The following PARD3B variants were observed in gnomAD, a reference collection of about 807,000 sequenced individuals.
The protein encoded by PARD3B is par-3 family cell polarity regulator beta.
PARD3B carries 103 observed loss-of-function variants against 130.2 expected under a neutral mutation model. That is an observed-to-expected ratio of 0.79 (90% CI 0.67 to 0.93). The LOEUF is 0.93. Among genes scored for constraint, PARD3B ranks in the 40% least tolerant of loss-of-function variants. The probability of loss-of-function intolerance (pLI) is 0.00; values close to 1 mark genes in which losing one functional copy is unlikely to be tolerated. For synonymous variants in PARD3B, 583 were observed against 553.2 expected, an observed-to-expected ratio of 1.05 and a Z score of -0.76; for missense variants, 1,609 against 1,499.2, an observed-to-expected ratio of 1.07 and a Z score of -1.21.
intron 3 of PARD3B, among the ~76,000 whole-genome samples, chr2:205,039,533 G>C (rs553628085): frequency 2.6e-5 from 4 of 151,300 alleles, no homozygotes; most frequent in African/African-American, 4.9e-5. Flanking sequence ...GCAGTGGCGT[G>C]ATCTCAGCTC....
intron 2 of PARD3B, among the ~76,000 whole-genome samples, chr2:204,802,000 A>G (rs142097145): frequency 0.074 from 11,217 of 152,226 alleles, 564 homozygotes; most frequent in African/African-American, 0.14. Context: ...TATGTGATGG[A>G]TTATGTTTAT....
chr2:205,173,215 A>G (rs1368557879), intron 12 of PARD3B, among the ~76,000 whole-genome samples: 1 of 152,212 alleles, frequency 6.6e-6, no homozygotes, highest in Non-Finnish European at 1.5e-5. Flanking sequence ...AACTATTTAA[A>G]AAGCTAATAT....
intron 22 of PARD3B, among the ~76,000 whole-genome samples, chr2:205,565,369 A>G (rs577599718): frequency 2.2e-4 from 33 of 152,320 alleles, no homozygotes; most frequent in African/African-American, 7.5e-4. Context: ...TTCCATTGAT[A>G]TGTCGGTGCC....
At chr2:205,037,153 CAAATATACATATATAGCGGACTGTAT>C (rs1698016536) in intron 3 of PARD3B, among the ~76,000 whole-genome samples, 35 of 138,414 alleles carry the variant, frequency 2.5e-4, no homozygotes, top group African/African-American at 9.1e-4. Context: ...ATATATAAAA[CAAATATACATATATAGCGGACTGTAT>C]ATATAAAACA....
intron 4 of PARD3B, among the ~76,000 whole-genome samples, chr2:205,102,005 T>G (rs1575784495): frequency 1.3e-5 from 2 of 152,274 alleles, no homozygotes; most frequent in Admixed American, 1.3e-4. Flanking sequence ...TTTAAAATGG[T>G]GACTCTTATG....
At chr2:205,126,718 A>G (rs2031452266) in intron 10 of PARD3B, among the ~76,000 whole-genome samples, 1 of 135,632 alleles carries the variant, frequency 7.4e-6, no homozygotes, top group Non-Finnish European at 1.5e-5. Flanking sequence ...TGCAGTCCGC[A>G]GTCCCACCTG....
At chr2:205,063,329 T>TA (rs1700169923) in intron 4 of PARD3B, among the ~76,000 whole-genome samples, 1 of 151,794 alleles carries the variant, frequency 6.6e-6, no homozygotes, top group Admixed American at 6.6e-5. Flanking sequence ...ATAAAAAATA[T>TA]AAAAAAATAA....
chr2:205,600,731 A>AC (rs1388901445), intron 22 of PARD3B, among the ~76,000 whole-genome samples: 5 of 152,030 alleles, frequency 3.3e-5, no homozygotes, highest in African/African-American at 1.2e-4. Flanking sequence ...TTCAGTTCTT[A>AC]CCTGTAAGTG....
chr2:204,962,960 C>T lies in PARD3B; in HGVS notation c.223-2192C>T, dbSNP rs1342411860. On this transcript the variant is annotated intron_variant, in intron 2 of 22. Coordinates refer to ENST00000406610, the MANE Select transcript of PARD3B (RefSeq NM_001302769.2). ...CTATTATCATCTTCAAGAAAAGTTA[C>T]GTTTTGCCTGTGTCTCCAAAAAGTG... 6.2e-5 allele frequency among the ~76,000 whole-genome samples: 9 copies of T among 146,320 alleles called. No homozygotes were observed. In the South Asian group the frequency reaches 6.2e-4, roughly 10 times the overall value.
chr2:205,554,260 T>A (rs761256119), intron 22 of PARD3B, among the ~76,000 whole-genome samples: 19 of 152,020 alleles, frequency 1.2e-4, no homozygotes, highest in Middle Eastern at 3.4e-3. Context: ...AGAGTTTTTT[T>A]ATCAAAACTG....
At chr2:204,726,270 T>C (rs183063329) in intron 2 of PARD3B, among the ~76,000 whole-genome samples, 1 of 152,332 alleles carries the variant, frequency 6.6e-6, no homozygotes, top group African/African-American at 2.4e-5. Flanking sequence ...AGGTAAAGAA[T>C]TGCTGAAGCA....
intron 2 of PARD3B, among the ~76,000 whole-genome samples, chr2:204,923,169 A>G (rs1274820253): frequency 2.0e-5 from 3 of 152,108 alleles, no homozygotes; most frequent in East Asian, 3.9e-4. Context: ...GAGACGAGAA[A>G]GTATTGACAA....
At chr2:205,238,849 A>AAAAAAATATATATAT (rs1273582854) in intron 15 of PARD3B, among the ~76,000 whole-genome samples, 18 of 76,902 alleles carry the variant, frequency 2.3e-4, no homozygotes, top group Non-Finnish European at 3.7e-4. Flanking sequence ...AAAAAAAAAA[A>AAAAAAATATATATAT]ATATATATAT....
chr2:205,490,979 G>A (rs1169686581), intron 20 of PARD3B, among the ~76,000 whole-genome samples: 1 of 151,970 alleles, frequency 6.6e-6, no homozygotes, highest in Non-Finnish European at 1.5e-5. Context: ...TAAATGTGTT[G>A]GAGTTCATTG....
intron 20 of PARD3B, among the ~76,000 whole-genome samples, chr2:205,475,825 G>T (rs903277317): frequency 1.3e-5 from 2 of 152,178 alleles, no homozygotes; most frequent in African/African-American, 4.8e-5. Context: ...TATTTGTTGT[G>T]ATAGTCAGTG....
At chr2:205,216,867 A>G (rs1010064562) in intron 15 of PARD3B, among the ~76,000 whole-genome samples, 11 of 152,154 alleles carry the variant, frequency 7.2e-5, no homozygotes, top group African/African-American at 2.4e-4. Context: ...AGCCTGAATA[A>G]GGCCAATCCA....
At chr2:205,358,423 G>A (rs1438946121) in intron 18 of PARD3B, among the ~76,000 whole-genome samples, 1 of 152,180 alleles carries the variant, frequency 6.6e-6, no homozygotes, top group Non-Finnish European at 1.5e-5. Context: ...TCAGGCTTCG[G>A]TTGCTTCTTA....
At position 204,998,776 on chromosome 2, in the gene PARD3B, C is replaced by T. The variant is rs926972922; in HGVS notation, c.394+33453C>T. ...GTTGCCAGGCTAGAGTGCAATGGCG[C>T]GATCTCGGCTCACTGCAACTTCTGA... is the stretch of plus-strand genomic sequence containing the variant. On this transcript the variant is annotated intron_variant, in intron 3 of 22. Transcript: ENST00000406610. Among the ~76,000 whole-genome samples, 152 of 151,988 alleles carry T rather than the reference C, an allele frequency of 1.0e-3. 2 individuals carry two copies. The highest frequency in any genetic ancestry group is 1.0e-3 in the Non-Finnish European group (71 of 68,008).
At chr2:204,784,276 C>T (rs1031238333) in intron 2 of PARD3B, among the ~76,000 whole-genome samples, 11 of 152,194 alleles carry the variant, frequency 7.2e-5, no homozygotes, top group African/African-American at 2.4e-4. Flanking sequence ...AGTTCTTATG[C>T]TCTGGCAAAC....
Sources: allele counts gnomAD v4.1 joint callset (sites outside exome capture counted in the v4.1 genomes callset), GRCh38; gene constraint gnomAD v4.1.1; transcripts MANE v1.5; gene names NCBI Gene and HGNC (gene_info 2026-07-23, HGNC 2026-07-21).